Variants in LRP5 observed in about 807,000 individuals in gnomAD.
LRP5 encodes low-density lipoprotein receptor-related protein 5.
A neutral mutation model predicts 154.1 loss-of-function variants in LRP5; 62 were observed. That is an observed-to-expected ratio of 0.40 (90% CI 0.33 to 0.50). LRP5 has a LOEUF of 0.50. Ranked by LOEUF, LRP5 falls within the 20% of genes least tolerant of loss-of-function variation. The pLI, the probability that LRP5 is intolerant of heterozygous loss-of-function variation, is 0.55. For synonymous variants in LRP5, 966 were observed against 1,011.5 expected, an observed-to-expected ratio of 0.96 and a Z score of 0.85; for missense variants, 1,915 against 2,336.7, an observed-to-expected ratio of 0.82 and a Z score of 3.72.
chr11:68,362,180 G>A (rs2098628461), intron 3 of LRP5, among the ~76,000 whole-genome samples: 1 of 152,180 alleles, frequency 6.6e-6, no homozygotes, highest in Non-Finnish European at 1.5e-5. Context: ...ATCAGAGGCT[G>A]TATATTGTGA....
At chr11:68,342,588 C>T (rs755319937) in intron 1 of LRP5, among the ~76,000 whole-genome samples, 11 of 152,146 alleles carry the variant, frequency 7.2e-5, no homozygotes, top group Non-Finnish European at 1.5e-4. Flanking sequence ...GTGGCTTCCT[C>T]TTAAACTTAG....
intron 13 of LRP5, among the ~76,000 whole-genome samples, chr11:68,417,717 C>T (rs574439267): frequency 1.3e-5 from 2 of 151,920 alleles, no homozygotes; most frequent in African/African-American, 4.8e-5. Flanking sequence ...GGTGGATCAC[C>T]TGAGGTCAGG....
chr11:68,348,801 G>A (rs1360054032), intron 2 of LRP5, among the ~76,000 whole-genome samples: 3 of 152,094 alleles, frequency 2.0e-5, no homozygotes, highest in Non-Finnish European at 2.9e-5. Flanking sequence ...AAAATGAATC[G>A]GGTGTGATGG....
rs191478806 is a variant in LRP5, at chr11:68,442,361, A to G, written c.4488+2445A>G. On this transcript the variant is annotated intron_variant, in intron 21 of 22. Transcript: ENST00000294304. ...ACAATCACAGCTCACTGCAGCCTCA[A>G]ACTCCTGGGCTCAAGCGATTCTCCT... Among the ~76,000 whole-genome samples the G allele has an allele frequency of 3.7e-3, 569 of 152,326 alleles. 5 individuals carry two copies. Among genetic ancestry groups the G allele is most frequent in the Non-Finnish European group, 5.6e-3 (384 of 68,026 alleles).
chr11:68,417,984 T>C (rs943182449), intron 13 of LRP5, among the ~76,000 whole-genome samples: 52 of 152,098 alleles, frequency 3.4e-4, no homozygotes, highest in African/African-American at 1.3e-3. Context: ...GTGAGCACTT[T>C]GCGGAGTCAG....
intron 9 of LRP5, among the ~76,000 whole-genome samples, chr11:68,408,242 ATTTTTTT>A (rs11299690): frequency 5.8e-5 from 3 of 52,108 alleles, no homozygotes; most frequent in Non-Finnish European, 1.1e-4. Context: ...CTCCTGGCTG[ATTTTTTT>A]TTTTTTTTTT....
chr11:68,299,935 G>T, the LRP5 span, among the ~76,000 whole-genome samples: 12 of 147,992 alleles, frequency 8.1e-5, 1 homozygote, highest in Non-Finnish European at 1.5e-4. Flanking sequence ...GTCTTGTTCT[G>T]TTGCCAGGTT....
At chr11:68,441,789 G>C (rs1487991885) in intron 21 of LRP5, among the ~76,000 whole-genome samples, 1 of 152,216 alleles carries the variant, frequency 6.6e-6, no homozygotes, top group East Asian at 1.9e-4. Flanking sequence ...AAAGGGTACA[G>C]TTCAGTGGGT....
At chr11:68,397,286 A>G (rs2098649975) in intron 7 of LRP5, among the ~76,000 whole-genome samples, 1 of 151,436 alleles carries the variant, frequency 6.6e-6, no homozygotes, top group South Asian at 2.1e-4. Context: ...TGGCTTTTAT[A>G]TCCTGTGCCA....
chr11:68,322,018 G>A (rs745773094), intron 1 of LRP5, among the ~76,000 whole-genome samples: 11 of 152,208 alleles, frequency 7.2e-5, no homozygotes, highest in African/African-American at 1.2e-4. Context: ...CTCACTGTAC[G>A]AGATAGTTTT....
chr11:68,443,719 C>T (rs561551837), intron 21 of LRP5, among the ~76,000 whole-genome samples: 24 of 148,650 alleles, frequency 1.6e-4, no homozygotes, highest in South Asian at 1.1e-3. Context: ...AGTGCAGTGG[C>T]GCAATCTCAG....
At chr11:68,356,866 C>G (rs1431489570) in intron 2 of LRP5, among the ~76,000 whole-genome samples, 2 of 152,080 alleles carry the variant, frequency 1.3e-5, no homozygotes, top group Non-Finnish European at 2.9e-5. Flanking sequence ...CAGATTGGCT[C>G]TTTCACCTAC....
At chr11:68,403,804 C>T in intron 8 of LRP5, 105 bp downstream of exon 8, 3 of 1,371,980 alleles carry the variant, frequency 2.2e-6, no homozygotes, top group Non-Finnish European at 3.0e-6. Context: ...GGTGCCCCGA[C>T]CTGGGGAAGG....
chr11:68,438,651 C>G lies in LRP5; in HGVS notation c.4317C>G (p.Ala1439=). 6.2e-7 allele frequency: 1 copy of G among 1,613,322 alleles called. No individual in the cohort carries two copies. The highest frequency in any genetic ancestry group is 8.5e-7 in the Non-Finnish European group (1 of 1,179,980). The change falls in exon 20 of 23, where the codon GCC becomes GCG. Residue 1439 remains alanine (A), a synonymous_variant. Coordinates refer to ENST00000294304, the MANE Select transcript of LRP5 (RefSeq NM_002335.4). ...GTPHVPLNFI[A]PGGSQHGPFT... is the part of the protein sequence containing the mutation. ...CGCACGTGCCCCTCAATTTCATAGC[C>G]CCGGGCGGTTCCCAGCATGGCCCCT...
At chr11:68,405,499 A>C (rs1452807956) in intron 8 of LRP5, among the ~76,000 whole-genome samples, 2 of 150,648 alleles carry the variant, frequency 1.3e-5, no homozygotes, top group Non-Finnish European at 1.5e-5. Flanking sequence ...AGCATTTACT[A>C]TCCACCATGG....
chr11:68,331,634 A>T (rs1203270613), intron 1 of LRP5, among the ~76,000 whole-genome samples: 2 of 152,006 alleles, frequency 1.3e-5, no homozygotes, highest in Non-Finnish European at 2.9e-5. Context: ...CTCCACCCCC[A>T]AACGTGCCCC....
upstream of LRP5, among the ~76,000 whole-genome samples, chr11:68,310,503 C>T (rs1267985342): frequency 3.9e-5 from 6 of 152,120 alleles, no homozygotes; most frequent in Non-Finnish European, 8.8e-5. Context: ...GCCTGTAATC[C>T]CAGCTACTTG....
upstream of LRP5, among the ~76,000 whole-genome samples, chr11:68,309,079 G>GC (rs1225284745): frequency 6.7e-6 from 1 of 149,060 alleles, no homozygotes; most frequent in East Asian, 2.0e-4. Context: ...GACTACAGGT[G>GC]CCCGCCACCA....
chr11:68,433,789 C>T lies in LRP5; in HGVS notation c.3951C>T (p.Cys1317=), dbSNP rs141306017. 1.7e-5 allele frequency: 27 copies of T among 1,612,548 alleles called. No individual in the cohort carries two copies. Among genetic ancestry groups the T allele is most frequent in the Admixed American group, 6.7e-5 (4 of 59,998 alleles). ...AGTGTGTGGACCTGCGCCTGCGCTG[C>T]GACGGCGAGGCAGACTGTCAGGACC... ...RGQCVDLRLR[C]DGEADCQDRS... The change falls in exon 18 of 23, where the codon TGC becomes TGT. Residue 1317 remains cysteine, a synonymous_variant. Transcript: ENST00000294304.
Sources: gnomAD v4.1 joint callset for allele counts (sites outside exome capture counted in the v4.1 genomes callset) on GRCh38, gnomAD v4.1.1 for gene constraint, MANE v1.5 for transcripts, NCBI Gene and HGNC (gene_info 2026-07-23, HGNC 2026-07-21) for gene names.